Variants in MSH6 observed in about 807,000 individuals in gnomAD.
The protein encoded by MSH6 is mutS homolog 6, also known as DNA mismatch repair protein Msh6.
In MSH6, 85 loss-of-function variants were observed where a neutral mutation model predicts 119.1. The ratio of observed to expected loss-of-function variants is 0.71; its 90% CI spans 0.60 to 0.85. MSH6 has a LOEUF of 0.85. MSH6 is among the 40% of genes least tolerant of loss of function. The pLI is 0.00. For synonymous variants in MSH6, 830 were observed against 586.9 expected, an observed-to-expected ratio of 1.41 and a Z score of -5.99; for missense variants, 2,163 against 1,655.3, an observed-to-expected ratio of 1.31 and a Z score of -5.32.
At chr2:47,790,006 AT>A (rs1465001875) in intron 1 of MSH6, among the ~76,000 whole-genome samples, 1 of 152,016 alleles carries the variant, frequency 6.6e-6, no homozygotes, top group Non-Finnish European at 1.5e-5. Context: ...TTGGTTTTAA[AT>A]TTTTGATTTA....
intron 2 of MSH6, among the ~76,000 whole-genome samples, chr2:47,791,920 C>A (rs915517992): frequency 7.2e-5 from 11 of 152,032 alleles, no homozygotes; most frequent in Non-Finnish European, 1.6e-4. Context: ...AATCTCAGCT[C>A]ACTGCAACCG....
intron 5 of MSH6, 72 bp from the exon 6 acceptor site, chr2:47,804,838 T>G: frequency 3.5e-6 from 4 of 1,151,344 alleles, no homozygotes; most frequent in Non-Finnish European, 2.6e-6. Context: ...ACGTAAGGGT[T>G]CATAAGAAAG....
rs1491155839 is a variant in MSH6, at chr2:47,788,906, C to CTTTTTTTTTTTTTTT, written c.261-2021_261-2020insTTTTTTTTTTTTTTT. On this transcript the variant is annotated intron_variant, in intron 1 of 9. Transcript: ENST00000234420. ...GCTATTTCTTTCTTTCTTTCTTCTTCCTTTTTTTTTTTTTTGTTTTTTTTT... is the reference window on the plus strand; with the variant it reads ...GCTATTTCTTTCTTTCTTTCTTCTTCTTTTTTTTTTTTTTTCTTTTTTTTTTTTTTGTTTTTTTTT... Among the ~76,000 whole-genome samples, 76 of 15,820 alleles carry CTTTTTTTTTTTTTTT rather than the reference C, an allele frequency of 4.8e-3. 14 individuals are homozygous for CTTTTTTTTTTTTTTT. Among genetic ancestry groups the CTTTTTTTTTTTTTTT allele is most frequent in the East Asian group, 0.014 (11 of 796 alleles). The allele number at this position is 15,820 out of a possible 152,430, so 10.4% of individuals were successfully genotyped here.
chr2:47,790,933 C>G lies in MSH6; in HGVS notation c.267C>G (p.Asp89Glu), dbSNP rs762818044. The G allele has an allele frequency of 3.7e-6, 6 of 1,614,084 alleles. No homozygotes were observed. The highest frequency in any genetic ancestry group is 5.1e-6 in the Non-Finnish European group (6 of 1,180,034). ...SVAPAAPTSC[D>E]FSPGDLVWAK... Reference sequence around the variant, plus strand: ...TATTTCCTTTTGGCAACAGTTGTGACTTCTCACCAGGAGATTTGGTTTGGG... The same window carrying G: ...TATTTCCTTTTGGCAACAGTTGTGAGTTCTCACCAGGAGATTTGGTTTGGG... The change falls in exon 2 of 10, where the codon GAC becomes GAG. Residue 89 changes from aspartate (D) to glutamate (E), a missense_variant. Coordinates refer to ENST00000234420, the MANE Select transcript of MSH6 (RefSeq NM_000179.3).
downstream of MSH6, chr2:47,808,353 T>A: frequency 6.2e-7 from 1 of 1,612,556 alleles, no homozygotes; most frequent in Non-Finnish European, 8.5e-7. Context: ...AAACTCTACA[T>A]CATGTCCCTG....
rs768944975 is a variant in MSH6 at position 47,806,638 on chromosome 2, C to G, written c.3988C>G (p.Leu1330Val). 8.1e-6 allele frequency: 13 copies of G among 1,610,050 alleles called. No individual in the cohort carries two copies. The highest frequency in any genetic ancestry group is 1.1e-5 in the South Asian group (1 of 91,028). ...AREFEKMNQS[L>V]RLFREVCLAS... ...AGAATTTGAGAAGATGAATCAGTCA[C>G]TACGATTATTTCGGTAACTAACTAA... Residue 1330 changes from leucine to valine, a missense_variant, in exon 9 of 10, where the codon CTA becomes GTA. By Grantham distance (32) the Leu-to-Val change is conservative. Coordinates refer to ENST00000234420, the MANE Select transcript of MSH6 (RefSeq NM_000179.3).
At chr2:47,784,365 AGAGGCCTTAATC>A (rs1190019620) in intron 1 of MSH6, 1 of 563,580 alleles carries the variant, frequency 1.8e-6, no homozygotes, top group East Asian at 1.4e-4. Context: ...CTGGGCTTTT[AGAGGCCTTAATC>A]GGGCGCTGGA....
chr2:47,809,422 A>G (rs111525278), downstream of MSH6: 1 of 688,876 alleles, frequency 1.5e-6, no homozygotes, highest in East Asian at 2.8e-5. Context: ...CTAAGAATAG[A>G]ATTTTCCTTG....
intron 1 of MSH6, among the ~76,000 whole-genome samples, chr2:47,788,720 C>T (rs1204950328): frequency 1.3e-5 from 2 of 149,800 alleles, no homozygotes; most frequent in Non-Finnish European, 3.0e-5. Flanking sequence ...CAGGCGCCTG[C>T]CACCATGCCC....
At chr2:47,786,396 G>A (rs1054422297) in intron 1 of MSH6, among the ~76,000 whole-genome samples, 1 of 151,338 alleles carries the variant, frequency 6.6e-6, no homozygotes. Context: ...GTGCAGTGGT[G>A]TGGTCTCAGC....
At chr2:47,805,077 A>C (rs772290981) in intron 6 of MSH6, 50 bp downstream of exon 6, 1 of 1,243,764 alleles carries the variant, frequency 8.0e-7, no homozygotes, top group Non-Finnish European at 1.2e-6. Context: ...TTTAGATGTG[A>C]TAAAAGATAT....
intron 2 of MSH6, among the ~76,000 whole-genome samples, chr2:47,792,075 A>C (rs1354240397): frequency 2.6e-5 from 4 of 151,830 alleles, no homozygotes; most frequent in African/African-American, 9.7e-5. Context: ...TGAACTGCTG[A>C]CCTCCAGTAA....
In MSH6 at chr2:47,798,596, T is replaced by C. The variant is rs2104286570; in HGVS notation, c.628-15T>C. ...ATTTTGATTTGTTTTTAAATACTCT[T>C]TCCTTGCCTGGCAGGTAGGCACAAC... is the stretch of plus-strand genomic sequence containing the variant. On this transcript the variant is annotated splice_polypyrimidine_tract_variant and intron_variant, in intron 3 of 9. Transcript: ENST00000234420. 1.2e-6 allele frequency: 2 copies of C among 1,607,000 alleles called. No individual in the cohort carries two copies. Among genetic ancestry groups the C allele is most frequent in the Non-Finnish European group, 1.7e-6 (2 of 1,179,782 alleles).
At chr2:47,807,273 TCTA>T (rs1213541424), downstream of MSH6, 1 of 223,854 alleles carries the variant, frequency 4.5e-6, no homozygotes, top group East Asian at 6.7e-5. Context: ...GAAGAGACTT[TCTA>T]AAGTGTACTT....
intron 3 of MSH6, among the ~76,000 whole-genome samples, chr2:47,796,592 A>G (rs762157423): frequency 1.3e-5 from 2 of 152,224 alleles, no homozygotes; most frequent in African/African-American, 4.8e-5. Flanking sequence ...TTTTGCATTC[A>G]TAAGAATAGA....
rs1572728898 is a variant in MSH6 at position 47,800,825 on chromosome 2, G to C, written c.2842G>C (p.Glu948Gln). The change falls in exon 4 of 10, where the codon GAA (glutamate) becomes CAA (glutamine). Residue 948 changes from glutamate to glutamine, a missense_variant. By Grantham distance (29) the Glu-to-Gln change is conservative (BLOSUM62 2). Coordinates refer to ENST00000234420, the MANE Select transcript of MSH6 (RefSeq NM_000179.3). ...AGCTCTTGCTGACATAAGAGAAAATGAACAGAGCCTCCTGGAATACCTAGA... is the reference window on the plus strand; with the variant it reads ...AGCTCTTGCTGACATAAGAGAAAATCAACAGAGCCTCCTGGAATACCTAGA... ...DQALADIREN[E>Q]QSLLEYLEKQ... 6.2e-7 allele frequency: 1 copy of C among 1,614,100 alleles called. No individual in the cohort carries two copies. The highest frequency in any genetic ancestry group is 8.5e-7 in the Non-Finnish European group (1 of 1,180,006).
chr2:47,793,386 T>C (rs3136294), intron 2 of MSH6, among the ~76,000 whole-genome samples: 24 of 147,028 alleles, frequency 1.6e-4, no homozygotes, highest in African/African-American at 6.0e-4. Flanking sequence ...TCCCAACACT[T>C]TGGGAGGCCC....
At chr2:47,804,244 G>T (rs1054670190) in intron 5 of MSH6, among the ~76,000 whole-genome samples, 3 of 152,036 alleles carry the variant, frequency 2.0e-5, no homozygotes, top group African/African-American at 7.2e-5. Flanking sequence ...CCCAGTAGCT[G>T]GGACTACAGA....
At position 47,790,909 on chromosome 2, in the gene MSH6, A is replaced by G. The variant is rs1558651810; in HGVS notation, c.261-18A>G. 1 of 1,613,142 alleles carries G rather than the reference A, an allele frequency of 6.2e-7. No individual in the cohort carries two copies. Among genetic ancestry groups the G allele is most frequent in the African/African-American group, 1.3e-5 (1 of 75,030 alleles). On this transcript the variant is annotated intron_variant, in intron 1 of 9. Coordinates refer to ENST00000234420, the MANE Select transcript of MSH6 (RefSeq NM_000179.3). ...TGACCAAATATTAACTAAGTTATGT[A>G]TTTCCTTTTGGCAACAGTTGTGACT...
Sources: allele counts gnomAD v4.1 joint callset (sites outside exome capture counted in the v4.1 genomes callset), GRCh38; gene constraint gnomAD v4.1.1; transcripts MANE v1.5; gene names NCBI Gene and HGNC (gene_info 2026-07-23, HGNC 2026-07-21).